The following UBASH3A variants were observed in gnomAD, a reference collection of about 807,000 sequenced individuals.
UBASH3A encodes the protein ubiquitin-associated and SH3 domain-containing protein A.
A neutral mutation model predicts 73.5 loss-of-function variants in UBASH3A; 63 were observed. That is an observed-to-expected ratio of 0.86 (90% CI 0.70 to 1.06). The LOEUF (loss-of-function observed/expected upper bound fraction) is 1.06. UBASH3A is among the 50% of genes least tolerant of loss of function. The probability of loss-of-function intolerance (pLI) is 0.00; values close to 1 mark genes in which losing one functional copy is unlikely to be tolerated. For missense variants in UBASH3A, 860 were observed against 859.0 expected, an observed-to-expected ratio of 1.00 and a Z score of -0.02; for synonymous variants, 363 against 351.1, an observed-to-expected ratio of 1.03 and a Z score of -0.38.
intron 13 of UBASH3A, among the ~76,000 whole-genome samples, chr21:42,443,974 C>T (rs1462244516): frequency 1.3e-5 from 2 of 152,162 alleles, no homozygotes; most frequent in Non-Finnish European, 2.9e-5. Flanking sequence ...CCAGGTGGCG[C>T]CCCCTTCCCT....
At chr21:42,442,160 G>A (rs541654103) in intron 11 of UBASH3A, among the ~76,000 whole-genome samples, 2 of 152,188 alleles carry the variant, frequency 1.3e-5, no homozygotes, top group African/African-American at 2.4e-5. Context: ...GTGAGCCCCA[G>A]CCTAAGCCTG....
At chr21:42,404,121 C>A in intron 1 of UBASH3A, 63 bp downstream of exon 1, 2 of 982,898 alleles carry the variant, frequency 2.0e-6, no homozygotes, top group Non-Finnish European at 2.8e-6. Context: ...CCTGCTGCGG[C>A]CCCCGGCATG....
rs181095987 is a variant in UBASH3A at position 42,429,657 on chromosome 21, T to C, written c.1171-2446T>C. The stretch of plus-strand genomic sequence containing the variant: ...AATATTCATTCTGGGATAGGGGCGG[T>C]GGGTGCTGCCTCTTGGTGTCAGTGT... On this transcript the variant is annotated intron_variant, in intron 8 of 14. Coordinates refer to ENST00000319294, the MANE Select transcript of UBASH3A (RefSeq NM_018961.4). Among the ~76,000 whole-genome samples the C allele has an allele frequency of 3.0e-4, 45 of 152,036 alleles. No individual in the cohort carries two copies. The East Asian group carries it at 8.5e-3, about 29-fold the overall frequency.
intron 7 of UBASH3A, among the ~76,000 whole-genome samples, chr21:42,420,340 C>T (rs192566737): frequency 1.2e-4 from 19 of 152,084 alleles, no homozygotes; most frequent in Middle Eastern, 3.4e-3. Flanking sequence ...AGTTGTTATA[C>T]GGTATTGTTT....
Position 42,443,415 on chromosome 21 carries a change from G to T in UBASH3A, c.1735G>T (p.Asp579Tyr), listed in dbSNP as rs375755307. 30 of 1,602,788 alleles carry T rather than the reference G, an allele frequency of 1.9e-5. No individual in the cohort carries two copies. In the African/African-American group the frequency reaches 3.9e-4, roughly 21 times the overall value. ...MVQIVNTCPQ[D>Y]TGVILIVSHG... ...GCAAATCGTCAACACCTGTCCACAGGACAGTAAGTGCCTCACCATCCTCAG... is the reference window on the plus strand; with the variant it reads ...GCAAATCGTCAACACCTGTCCACAGTACAGTAAGTGCCTCACCATCCTCAG... Residue 579 changes from aspartate (D) to tyrosine (Y), a missense_variant, in exon 13 of 15, where the codon GAC (aspartate) becomes TAC (tyrosine). Transcript: ENST00000319294.
intron 11 of UBASH3A, among the ~76,000 whole-genome samples, chr21:42,438,674 G>A (rs78911555): frequency 0.014 from 2,179 of 152,262 alleles, 65 homozygotes; most frequent in African/African-American, 0.049. Flanking sequence ...CTGGGTCAGC[G>A]AGGAGGCCGA....
chr21:42,429,410 G>C (rs751434490), intron 8 of UBASH3A, among the ~76,000 whole-genome samples: 1 of 152,136 alleles, frequency 6.6e-6, no homozygotes, highest in Admixed American at 6.5e-5. Flanking sequence ...TCCCCACAGG[G>C]CTTTCTTTTG....
At chr21:42,438,906 C>T (rs1445589143) in intron 11 of UBASH3A, among the ~76,000 whole-genome samples, 2 of 152,162 alleles carry the variant, frequency 1.3e-5, no homozygotes, top group East Asian at 1.9e-4. Context: ...GGAGCCATCC[C>T]GCAGATGGTG....
At chr21:42,417,777 A>G (rs2053244764) in intron 6 of UBASH3A, among the ~76,000 whole-genome samples, 1 of 152,116 alleles carries the variant, frequency 6.6e-6, no homozygotes, top group Non-Finnish European at 1.5e-5. Flanking sequence ...GCGGATGTGA[A>G]AGTCTGCTTA....
In UBASH3A at chr21:42,426,755, A is replaced by G. The variant is rs2053443394; in HGVS notation, c.1105A>G (p.Ser369Gly). 1 of 1,614,240 alleles carries G rather than the reference A, an allele frequency of 6.2e-7. No individual in the cohort carries two copies. Among genetic ancestry groups the G allele is most frequent in the Non-Finnish European group, 8.5e-7 (1 of 1,180,024 alleles). The change falls in exon 8 of 15, where the codon AGC becomes GGC. Residue 369 changes from serine (S) to glycine (G), a missense_variant. Transcript: ENST00000319294. Reference protein sequence around the residue: ...LNSRKDGEASSRCSGEFLPQT... With the variant: ...LNSRKDGEASGRCSGEFLPQT... The stretch of plus-strand genomic sequence containing the variant: ...CTCCAGAAAGGATGGTGAAGCCAGC[A>G]GCAGATGCAGCGGGGAATTTCTTCC...
intron 8 of UBASH3A, among the ~76,000 whole-genome samples, chr21:42,429,648 TA>T (rs1036653012): frequency 3.9e-5 from 6 of 152,154 alleles, no homozygotes; most frequent in African/African-American, 1.2e-4. Flanking sequence ...CATTCTGGGA[TA>T]GGGGCGGTGG....
intron 2 of UBASH3A, among the ~76,000 whole-genome samples, chr21:42,406,624 T>A (rs1394227893): frequency 6.6e-6 from 1 of 152,216 alleles, no homozygotes; most frequent in Non-Finnish European, 1.5e-5. Context: ...TCAATCCAAT[T>A]TGACTGCCAA....
intron 8 of UBASH3A, among the ~76,000 whole-genome samples, chr21:42,427,232 C>T (rs2053453398): frequency 1.3e-5 from 2 of 152,304 alleles, no homozygotes; most frequent in East Asian, 1.9e-4. Flanking sequence ...CAGCAGGGCA[C>T]CCCGAGCTGG....
At chr21:42,439,194 C>G (rs2053685181) in intron 11 of UBASH3A, among the ~76,000 whole-genome samples, 1 of 152,186 alleles carries the variant, frequency 6.6e-6, no homozygotes, top group Non-Finnish European at 1.5e-5. Flanking sequence ...AACTTTCCAT[C>G]CCATAGTCCA....
intron 8 of UBASH3A, among the ~76,000 whole-genome samples, chr21:42,428,132 GA>G (rs1848205781): frequency 6.6e-6 from 1 of 152,150 alleles, no homozygotes; most frequent in South Asian, 2.1e-4. Context: ...GCAAGCCCCA[GA>G]GAGAGGCCTC....
chr21:42,431,464 G>C (rs74688501), intron 8 of UBASH3A, among the ~76,000 whole-genome samples: 1 of 152,234 alleles, frequency 6.6e-6, no homozygotes, highest in Non-Finnish European at 1.5e-5. Flanking sequence ...GCTGGCCACC[G>C]CCAAGGCCAG....
intron 11 of UBASH3A, 89 bp from the exon 12 acceptor site, chr21:42,442,363 T>C (rs1183394418): frequency 1.5e-6 from 2 of 1,330,770 alleles, no homozygotes; most frequent in Admixed American, 3.8e-5. Flanking sequence ...GACGTGTGTG[T>C]GACGGTCTGA....
chr21:42,414,654 C>T (rs115818155), intron 5 of UBASH3A, among the ~76,000 whole-genome samples: 284 of 152,162 alleles, frequency 1.9e-3, no homozygotes, highest in African/African-American at 6.7e-3. Flanking sequence ...AGCCATGTGC[C>T]GACTGAGGCA....
Position 42,432,068 on chromosome 21 carries a change from A to G in UBASH3A, c.1171-35A>G, listed in dbSNP as rs764501718. On this transcript the variant is annotated intron_variant, in intron 8 of 14. Coordinates refer to ENST00000319294, the MANE Select transcript of UBASH3A (RefSeq NM_018961.4). Reference sequence around the variant, plus strand: ...GCAAGTCCAGTGAGTTGGATGTTAAACTGCATGTGCCTTGCTTCCTGCCCC... The same window carrying G: ...GCAAGTCCAGTGAGTTGGATGTTAAGCTGCATGTGCCTTGCTTCCTGCCCC... The G allele has an allele frequency of 5.7e-5, 80 of 1,400,188 alleles. No homozygotes were observed. In the Admixed American group the frequency reaches 1.4e-3, roughly 24 times the overall value. The allele number at this position is 1,400,188 out of a possible 1,614,324, so 86.7% of individuals were successfully genotyped here.
Sources: gnomAD v4.1 joint callset for allele counts (sites outside exome capture counted in the v4.1 genomes callset) on GRCh38, gnomAD v4.1.1 for gene constraint, MANE v1.5 for transcripts, NCBI Gene and HGNC (gene_info 2026-07-23, HGNC 2026-07-21) for gene names.